NRXN3: variants seen among roughly 807,000 people sequenced by gnomAD.
The protein encoded by NRXN3 is neurexin 3, also known as neurexin III.
NRXN3 carries 32 observed loss-of-function variants against 137.6 expected under a neutral mutation model. That is an observed-to-expected ratio of 0.23 (90% confidence interval 0.18 to 0.31). The LOEUF (loss-of-function observed/expected upper bound fraction) is 0.31. NRXN3 is among the 10% of genes least tolerant of loss of function. The pLI is 1.00. For synonymous variants in NRXN3, 798 were observed against 784.5 expected (o/e 1.02, Z -0.29); for missense variants, 1,574 against 2,062.5 (o/e 0.76, Z 4.59).
intron 16 of NRXN3, among the ~76,000 whole-genome samples, chr14:79,638,758 T>C (rs2098418194): frequency 6.6e-6 from 1 of 152,160 alleles, no homozygotes; most frequent in African/African-American, 2.4e-5. Flanking sequence ...AGAGTTTGGA[T>C]TGGGGAACAG....
chr14:78,663,737 T>C (rs151300630), intron 6 of NRXN3, among the ~76,000 whole-genome samples: 48 of 152,302 alleles, frequency 3.2e-4, no homozygotes, highest in Non-Finnish European at 5.6e-4. Flanking sequence ...CAAGATAAAT[T>C]CAGTGGAACT....
chr14:78,257,733 A>G (rs2069908722), intron 2 of NRXN3, among the ~76,000 whole-genome samples: 1 of 152,230 alleles, frequency 6.6e-6, no homozygotes, highest in Non-Finnish European at 1.5e-5. Flanking sequence ...ACTGCTTTGT[A>G]GGGATTTTGG....
chr14:79,487,837 T>C (rs2096671812), intron 16 of NRXN3, among the ~76,000 whole-genome samples: 1 of 152,166 alleles, frequency 6.6e-6, no homozygotes, highest in Non-Finnish European at 1.5e-5. Flanking sequence ...TGGTTGTGTA[T>C]TGTGAGAGGC....
At chr14:79,078,720 A>G in intron 15 of NRXN3, among the ~76,000 whole-genome samples, 1 of 152,210 alleles carries the variant, frequency 6.6e-6, no homozygotes, top group Admixed American at 6.5e-5. Context: ...TTACACCAAC[A>G]CATATATTTT....
intron 17 of NRXN3, among the ~76,000 whole-genome samples, chr14:79,677,007 A>C (rs539027376): frequency 2.0e-4 from 31 of 152,234 alleles, no homozygotes; most frequent in African/African-American, 7.5e-4. Context: ...TTCTGACTTC[A>C]ATGACTGCAT....
At chr14:78,409,931 A>C (rs2092722340) in intron 4 of NRXN3, among the ~76,000 whole-genome samples, 1 of 152,174 alleles carries the variant, frequency 6.6e-6, no homozygotes, top group African/African-American at 2.4e-5. Context: ...ACCTTGATAC[A>C]AGATCTCATG....
At chr14:79,390,396 A>G (rs1366519496) in intron 15 of NRXN3, among the ~76,000 whole-genome samples, 4 of 151,476 alleles carry the variant, frequency 2.6e-5, no homozygotes, top group Middle Eastern at 3.5e-3. Flanking sequence ...TAACATTCCT[A>G]TCTTCATCCT....
chr14:79,816,190 C>T (rs1386323170), intron 20 of NRXN3, among the ~76,000 whole-genome samples: 1 of 152,164 alleles, frequency 6.6e-6, no homozygotes, highest in Non-Finnish European at 1.5e-5. Flanking sequence ...CACATACCTG[C>T]ACATAAATGG....
chr14:79,805,079 C>T lies in NRXN3; in HGVS notation c.4015-33C>T, dbSNP rs180957461. 202 of 1,480,678 alleles carry T rather than the reference C, an allele frequency of 1.4e-4. No individual in the cohort carries two copies. In the African/African-American group the frequency reaches 2.7e-3, roughly 19 times the overall value. 91.7% of individuals were successfully genotyped at this position (1,480,678 alleles called of 1,614,324 possible). A position where few individuals can be genotyped will look rare whatever the true frequency, so the allele number is the denominator to read the frequency against. On this transcript the variant is annotated intron_variant, in intron 19 of 20. Transcript: ENST00000335750. ...TATCTCTCTCTCTTCTCTCTCTTCC[C>T]CTACCCCATTATTTTCTCTTTGACA...
intron 16 of NRXN3, among the ~76,000 whole-genome samples, chr14:79,580,751 A>G (rs572366205): frequency 5.9e-5 from 9 of 152,316 alleles, no homozygotes; most frequent in Admixed American, 2.6e-4. Flanking sequence ...GCTTAAAAAA[A>G]AGTCTCCTGA....
chr14:78,309,929 G>T (rs1049528457), intron 4 of NRXN3, among the ~76,000 whole-genome samples: 2 of 151,922 alleles, frequency 1.3e-5, no homozygotes, highest in African/African-American at 4.8e-5. Flanking sequence ...TTTTTGGAAG[G>T]GTTCGTTTAA....
chr14:78,697,123 TTTAATCTCAGAATA>T (rs1008651004), intron 6 of NRXN3, among the ~76,000 whole-genome samples: 3 of 152,116 alleles, frequency 2.0e-5, no homozygotes, highest in African/African-American at 7.2e-5. Context: ...CCTAGTTTTA[TTTAATCTCAGAATA>T]CAAAATCCCA....
At chr14:79,390,179 C>T (rs528901985) in intron 15 of NRXN3, among the ~76,000 whole-genome samples, 7 of 151,938 alleles carry the variant, frequency 4.6e-5, no homozygotes, top group African/African-American at 9.7e-5. Context: ...TAGGCGGGCG[C>T]GGTGGCGGGC....
chr14:78,938,848 C>CTTTTTCTTTTTTTT (rs1292820804), intron 10 of NRXN3, among the ~76,000 whole-genome samples: 2 of 132,036 alleles, frequency 1.5e-5, no homozygotes, highest in African/African-American at 5.6e-5. Flanking sequence ...AGTGATTTTT[C>CTTTTTCTTTTTTTT]TTTTTTTTTT....
intron 10 of NRXN3, among the ~76,000 whole-genome samples, chr14:78,907,021 G>A (rs1436492264): frequency 6.6e-6 from 1 of 151,954 alleles, no homozygotes; most frequent in African/African-American, 2.4e-5. Flanking sequence ...GTCTGTTACC[G>A]AAGTAGGGAA....
rs143835461 is a variant in NRXN3 at position 78,739,491 on chromosome 14, T to C, written c.2044+24352T>C. Among the ~76,000 whole-genome samples, 312 of 152,328 alleles carry C rather than the reference T, an allele frequency of 2.0e-3. 5 individuals are homozygous for C. The highest frequency in any genetic ancestry group is 7.2e-3 in the African/African-American group (299 of 41,580). ...ACTCTTTATATCTTGTTTTATTTTT[T>C]GAGACGGAGTTTCATTGTTGATGCG... On this transcript the variant is annotated intron_variant, in intron 8 of 20. Transcript: ENST00000335750.
At chr14:78,509,709 G>C (rs2096066227) in intron 4 of NRXN3, among the ~76,000 whole-genome samples, 1 of 152,184 alleles carries the variant, frequency 6.6e-6, no homozygotes, top group South Asian at 2.1e-4. Flanking sequence ...TGCTTCAAAG[G>C]GGACATGGGT....
At chr14:79,609,981 G>A (rs1603010050) in intron 16 of NRXN3, among the ~76,000 whole-genome samples, 1 of 152,198 alleles carries the variant, frequency 6.6e-6, no homozygotes, top group East Asian at 1.9e-4. Flanking sequence ...ATAGCATTAG[G>A]AGAAATTCCT....
intron 19 of NRXN3, among the ~76,000 whole-genome samples, chr14:79,748,137 G>C (rs974006813): frequency 1.3e-5 from 2 of 151,950 alleles, no homozygotes; most frequent in Non-Finnish European, 2.9e-5. Flanking sequence ...AAATCACCAT[G>C]GCACTTGTTT....
Sources: allele counts gnomAD v4.1 joint callset (sites outside exome capture counted in the v4.1 genomes callset), GRCh38; gene constraint gnomAD v4.1.1; transcripts MANE v1.5; gene names NCBI Gene and HGNC (gene_info 2026-07-23, HGNC 2026-07-21).